DMXL1: variants seen among roughly 807,000 people sequenced by gnomAD.
The protein encoded by DMXL1 is dmX-like protein 1.
A neutral mutation model predicts 319.2 loss-of-function variants in DMXL1; 99 were observed. The observed-to-expected ratio is 0.31, with a 90% CI of 0.26 to 0.37. The LOEUF (loss-of-function observed/expected upper bound fraction) is 0.37, where lower values mean the gene tolerates loss of function less well. Ranked by LOEUF, DMXL1 falls within the 10% of genes least tolerant of loss-of-function variation. The probability of loss-of-function intolerance (pLI) is 1.00; values close to 1 mark genes in which losing one functional copy is unlikely to be tolerated. For synonymous variants in DMXL1, 1,385 were observed against 1,235.2 expected (o/e 1.12, Z -2.54); for missense variants, 3,745 against 3,595.6 (o/e 1.04, Z -1.06).
intron 1 of DMXL1, among the ~76,000 whole-genome samples, chr5:119,089,288 A>T (rs1227864344): frequency 2.9e-4 from 8 of 27,150 alleles, no homozygotes; most frequent in East Asian, 2.8e-3. Context: ...ATATATATAT[A>T]TATATTTTTT....
chr5:119,208,489 C>T (rs1782146591), intron 34 of DMXL1, among the ~76,000 whole-genome samples: 1 of 152,172 alleles, frequency 6.6e-6, no homozygotes, highest in African/African-American at 2.4e-5. Context: ...GCTGGGATTA[C>T]AGGTGTGAGA....
At chr5:119,125,814 T>C (rs1180158331) in intron 9 of DMXL1, among the ~76,000 whole-genome samples, 1 of 152,144 alleles carries the variant, frequency 6.6e-6, no homozygotes, top group Non-Finnish European at 1.5e-5. Flanking sequence ...TCCACCCACC[T>C]TGACCTCCCA....
intron 34 of DMXL1, among the ~76,000 whole-genome samples, chr5:119,208,677 T>G (rs1373508584): frequency 2.0e-5 from 3 of 152,136 alleles, no homozygotes. Context: ...CCAAGCCCAC[T>G]GCTATATAGT....
At chr5:119,124,317 C>CA (rs527305652) in intron 9 of DMXL1, among the ~76,000 whole-genome samples, 4,242 of 92,196 alleles carry the variant, frequency 0.046, 173 homozygotes, top group African/African-American at 0.13. Flanking sequence ...GACTCCATCT[C>CA]AAAAAAAAAA....
intron 19 of DMXL1, among the ~76,000 whole-genome samples, chr5:119,154,961 C>T (rs544132152): frequency 8.1e-5 from 12 of 147,806 alleles, no homozygotes; most frequent in African/African-American, 2.2e-4. Flanking sequence ...ATTCTGCCTG[C>T]GCTCTACACA....
intron 19 of DMXL1, among the ~76,000 whole-genome samples, chr5:119,154,089 C>A (rs548032150): frequency 6.6e-6 from 1 of 152,346 alleles, no homozygotes; most frequent in South Asian, 2.1e-4. Context: ...GGCTACAACA[C>A]TGATCAGCCA....
chr5:119,111,733 C>G (rs1382310655), intron 5 of DMXL1, among the ~76,000 whole-genome samples: 1 of 152,030 alleles, frequency 6.6e-6, no homozygotes, highest in Non-Finnish European at 1.5e-5. Flanking sequence ...TAAAAGTAGG[C>G]CTTAAATTAG....
Position 119,220,511 on chromosome 5 carries a change from G to A in DMXL1, c.8053G>A (p.Val2685Ile), listed in dbSNP as rs747713065. The change falls in exon 36 of 44, where the codon GTT becomes ATT. Residue 2685 changes from valine (V) to isoleucine (I), a missense_variant. Physicochemically the swap from Val to Ile is conservative, Grantham distance 29. This residue lies in a region of DMXL1 where 1,382 missense variants were observed against 1,269.5 expected (regional missense o/e 1.09). Coordinates refer to ENST00000539542, the MANE Select transcript of DMXL1 (RefSeq NM_001290321.3). ...CATAGCAATCGCTTCCAGTCATGATGTTCAAGAACTGGATGTTTCTGGAAT... is the reference window on the plus strand; with the variant it reads ...CATAGCAATCGCTTCCAGTCATGATATTCAAGAACTGGATGTTTCTGGAAT... ...NCIAIASSHD[V>I]QELDVSGILA... 7 of 1,613,556 alleles carry A rather than the reference G, an allele frequency of 4.3e-6. No individual in the cohort carries two copies. In the Admixed American group the frequency reaches 6.7e-5, roughly 15 times the overall value.
intron 17 of DMXL1, among the ~76,000 whole-genome samples, chr5:119,147,886 C>G (rs1768935967): frequency 6.6e-6 from 1 of 152,176 alleles, no homozygotes; most frequent in Non-Finnish European, 1.5e-5. Flanking sequence ...CCCAGGCCAG[C>G]AGCATCAGCG....
At chr5:119,236,139 C>G (rs1369194283) in intron 39 of DMXL1, among the ~76,000 whole-genome samples, 1 of 152,072 alleles carries the variant, frequency 6.6e-6, no homozygotes, top group Non-Finnish European at 1.5e-5. Flanking sequence ...CAGTAGCCTT[C>G]TACCTTCACT....
chr5:119,179,415 A>G (rs1436374846), intron 28 of DMXL1, among the ~76,000 whole-genome samples: 2 of 151,780 alleles, frequency 1.3e-5, no homozygotes, highest in East Asian at 1.9e-4. Context: ...CACTGAACAT[A>G]TGCTTGTACA....
chr5:119,181,819 AAAAGAAAAGGAGCAGGCAGAAAGAGG>A lies in DMXL1; in HGVS notation c.7135+3580_7135+3605del, dbSNP rs1292145699. ...AGAGCGAGACTCCATCTCAAAAAAG[AAAAGAAAAGGAGCAGGCAGAAAGAGG>A]AAAGGAAAGAAGCGAAGAGAAAGGG... On this transcript the variant is annotated intron_variant, in intron 28 of 43. Transcript: ENST00000539542. 9.7e-4 allele frequency among the ~76,000 whole-genome samples: 147 copies of A among 152,264 alleles called. 2 individuals are homozygous for A. Among genetic ancestry groups the A allele is most frequent in the Admixed American group, 9.4e-3 (143 of 15,288 alleles).
chr5:119,082,501 C>G (rs964605457), intron 1 of DMXL1, among the ~76,000 whole-genome samples: 3 of 152,068 alleles, frequency 2.0e-5, no homozygotes, highest in African/African-American at 7.2e-5. Flanking sequence ...TCGTGAACTC[C>G]TGGGCTCAAG....
rs775605448 is a variant in DMXL1 at position 119,148,937 on chromosome 5, A to G, written c.3110A>G (p.Asn1037Ser). ...PLLIEDGLQS[N>S]SSITVPGRPV... The stretch of plus-strand genomic sequence containing the variant: ...CTTATTGAAGATGGACTTCAGAGCA[A>G]TAGTAGTATAACTGTACCTGGTAGG... Residue 1037 changes from asparagine (N) to serine (S), a missense_variant, in exon 18 of 44, where the codon AAT (asparagine) becomes AGT (serine). Physicochemically the swap from Asn to Ser is conservative, Grantham distance 46. Transcript: ENST00000539542. 23 of 1,613,802 alleles carry G rather than the reference A, an allele frequency of 1.4e-5. No homozygotes were observed. The highest frequency in any genetic ancestry group is 1.2e-4 in the Admixed American group (7 of 59,974).
At position 119,122,938 on chromosome 5, in the gene DMXL1, G is replaced by T. The variant is rs188610393; in HGVS notation, c.1102+1799G>T. Among the ~76,000 whole-genome samples, 1,313 of 152,278 alleles carry T rather than the reference G, an allele frequency of 8.6e-3. 15 individuals carry two copies. Among genetic ancestry groups the T allele is most frequent in the South Asian group, 0.026 (127 of 4,822 alleles). On this transcript the variant is annotated intron_variant, in intron 9 of 43. Transcript: ENST00000539542. Reference sequence around the variant, plus strand: ...AGAGGCTGCAATCTCGGCACTTTGGGAGGCCAAGGCAGGCAGCTGGGAGGT... The same window carrying T: ...AGAGGCTGCAATCTCGGCACTTTGGTAGGCCAAGGCAGGCAGCTGGGAGGT...
At chr5:119,129,784 G>C (rs1764408307) in intron 10 of DMXL1, among the ~76,000 whole-genome samples, 1 of 152,200 alleles carries the variant, frequency 6.6e-6, no homozygotes, top group African/African-American at 2.4e-5. Context: ...GAAATTTCCA[G>C]GTGATTTGTA....
At chr5:119,173,673 T>G (rs1775069256) in intron 25 of DMXL1, among the ~76,000 whole-genome samples, 1 of 65,720 alleles carries the variant, frequency 1.5e-5, no homozygotes, top group Non-Finnish European at 3.8e-5. Flanking sequence ...GTAGGATGTA[T>G]GTGTGTGTGT....
intron 2 of DMXL1, among the ~76,000 whole-genome samples, chr5:119,099,300 T>C (rs1020256625): frequency 6.6e-6 from 1 of 152,146 alleles, no homozygotes; most frequent in Non-Finnish European, 1.5e-5. Context: ...AGCCTCTGGC[T>C]TCCGGGTTCA....
intron 22 of DMXL1, among the ~76,000 whole-genome samples, chr5:119,167,351 TC>T (rs1773642542): frequency 6.6e-6 from 1 of 152,102 alleles, no homozygotes; most frequent in Admixed American, 6.5e-5. Context: ...ATCCATTGTT[TC>T]CTCATTTAGT....
Sources: allele counts gnomAD v4.1 joint callset (sites outside exome capture counted in the v4.1 genomes callset), GRCh38; gene constraint gnomAD v4.1.1; regional missense constraint gnomAD v4.1.1; transcripts MANE v1.5; gene names NCBI Gene and HGNC (gene_info 2026-07-23, HGNC 2026-07-21).